Variants in MACROD2 observed in about 807,000 individuals in gnomAD.
MACROD2 encodes the protein ADP-ribose glycohydrolase MACROD2.
In MACROD2, 36 loss-of-function variants were observed where a neutral mutation model predicts 70.4. The ratio of observed to expected loss-of-function variants is 0.51; its 90% CI spans 0.39 to 0.68. The LOEUF (loss-of-function observed/expected upper bound fraction) is 0.68. Among genes scored for constraint, MACROD2 ranks in the 30% least tolerant of loss-of-function variants. The pLI is 0.00. For missense variants in MACROD2, 496 were observed against 538.4 expected (o/e 0.92, Z 0.78); for synonymous variants, 172 against 178.8 (o/e 0.96, Z 0.30).
chr20:14,933,960 T>A (rs972303566), intron 5 of MACROD2: 2 of 152,198 alleles, frequency 1.3e-5, no homozygotes, highest in Admixed American at 6.5e-5. Context: ...AAAGGTATTA[T>A]TATTATTTTT....
intron 5 of MACROD2, among the ~76,000 whole-genome samples, chr20:15,171,088 C>T (rs1366862380): frequency 6.6e-6 from 1 of 152,124 alleles, no homozygotes; most frequent in Non-Finnish European, 1.5e-5. Flanking sequence ...AAGCAAAATC[C>T]CCCTGGGGGA....
intron 8 of MACROD2, among the ~76,000 whole-genome samples, chr20:15,825,749 T>G (rs2063990770): frequency 6.6e-6 from 1 of 152,206 alleles, no homozygotes; most frequent in Non-Finnish European, 1.5e-5. Flanking sequence ...TTTCTGAGGA[T>G]TAGCTATTCA....
At chr20:15,196,220 T>C (rs2076605522) in intron 5 of MACROD2, among the ~76,000 whole-genome samples, 1 of 151,538 alleles carries the variant, frequency 6.6e-6, no homozygotes, top group Admixed American at 6.6e-5. Flanking sequence ...CTGCATATCC[T>C]GCATGTGTAC....
chr20:15,814,238 T>C (rs2063849915), intron 8 of MACROD2, among the ~76,000 whole-genome samples: 1 of 152,228 alleles, frequency 6.6e-6, no homozygotes, highest in Admixed American at 6.5e-5. Flanking sequence ...TCTGCAACTC[T>C]GTTGCAGGGG....
rs11468344 is a variant in MACROD2 at position 15,659,304 on chromosome 20, CTTTTTTTTTTTTT to C, written c.645+159474_645+159486del. Among the ~76,000 whole-genome samples the C allele has an allele frequency of 3.7e-3, 246 of 67,296 alleles. 1 individual carries two copies. In the Middle Eastern group the frequency reaches 0.1, roughly 28 times the overall value. The allele number at this position is 67,296 out of a possible 152,430, so 44.1% of individuals were successfully genotyped here. On this transcript the variant is annotated intron_variant, in intron 8 of 17. Transcript: ENST00000684519. Reference sequence around the variant, plus strand: ...ATCAAAAGCTTGCAAGATAGCACAGCTTTTTTTTTTTTTTTTTTTTTTTTTTTTTGTCTCTTGA... The same window carrying C: ...ATCAAAAGCTTGCAAGATAGCACAGCTTTTTTTTTTTTTTTTGTCTCTTGA...
intron 5 of MACROD2, among the ~76,000 whole-genome samples, chr20:15,088,420 T>TA (rs2075766680): frequency 6.4e-5 from 2 of 31,390 alleles, no homozygotes; most frequent in African/African-American, 1.8e-4. Flanking sequence ...TATATATATA[T>TA]ATATATATAT....
At chr20:15,031,301 C>G (rs1395665478) in intron 5 of MACROD2, among the ~76,000 whole-genome samples, 1 of 152,194 alleles carries the variant, frequency 6.6e-6, no homozygotes, top group African/African-American at 2.4e-5. Flanking sequence ...AGGGCTGCAG[C>G]TCTTCTCTCC....
intron 2 of MACROD2, among the ~76,000 whole-genome samples, chr20:14,062,011 A>G (rs932882944): frequency 6.6e-6 from 1 of 152,156 alleles, no homozygotes; most frequent in Non-Finnish European, 1.5e-5. Context: ...ACTTGAAACT[A>G]TTTTAGAGAT....
At chr20:14,053,348 T>C (rs1268676434) in intron 2 of MACROD2, 4 of 152,138 alleles carry the variant, frequency 2.6e-5, no homozygotes, top group Non-Finnish European at 5.9e-5. Context: ...TAAGGAATGA[T>C]TGAATTTTGT....
chr20:14,463,306 G>A (rs1159365525), intron 3 of MACROD2, among the ~76,000 whole-genome samples: 1 of 152,064 alleles, frequency 6.6e-6, no homozygotes, highest in Non-Finnish European at 1.5e-5. Flanking sequence ...AATTGTGAAT[G>A]GGAGTTCACT....
At chr20:15,413,235 G>T (rs2046102350) in intron 6 of MACROD2, among the ~76,000 whole-genome samples, 1 of 151,698 alleles carries the variant, frequency 6.6e-6, no homozygotes, top group South Asian at 2.1e-4. Context: ...TTTTTTGACG[G>T]GGCAAGTTTC....
At chr20:15,495,524 C>T (rs531494697) in intron 7 of MACROD2, among the ~76,000 whole-genome samples, 2 of 152,282 alleles carry the variant, frequency 1.3e-5, no homozygotes, top group East Asian at 3.9e-4. Context: ...ATCCCTTCCT[C>T]CTCCCCATAC....
intron 3 of MACROD2, among the ~76,000 whole-genome samples, chr20:14,192,035 A>C (rs955806536): frequency 6.6e-6 from 1 of 152,078 alleles, no homozygotes; most frequent in African/African-American, 2.4e-5. Context: ...ATTGGTTGTA[A>C]TATACCAGGT....
intron 6 of MACROD2, among the ~76,000 whole-genome samples, chr20:15,380,679 C>A (rs1460243011): frequency 6.6e-6 from 1 of 151,992 alleles, no homozygotes; most frequent in Non-Finnish European, 1.5e-5. Flanking sequence ...TTATATTGTG[C>A]ACGAAATTAG....
rs545642889 is a variant in MACROD2, at chr20:14,665,328, A to G, written c.302-19515A>G. Among the ~76,000 whole-genome samples, 3 of 151,982 alleles carry G rather than the reference A, an allele frequency of 2.0e-5. No individual in the cohort carries two copies. The South Asian group carries it at 6.3e-4, about 32-fold the overall frequency. ...GGGTATTGCCAGTTAAGATTTCAAGAACAGTTTTTTTTTTTTAACTGCAGT... is the reference window on the plus strand; with the variant it reads ...GGGTATTGCCAGTTAAGATTTCAAGGACAGTTTTTTTTTTTTAACTGCAGT... On this transcript the variant is annotated intron_variant, in intron 4 of 17. Coordinates refer to ENST00000684519, the MANE Select transcript of MACROD2 (RefSeq NM_001351661.2).
At chr20:14,458,697 C>A (rs983368570) in intron 3 of MACROD2, among the ~76,000 whole-genome samples, 2 of 151,532 alleles carry the variant, frequency 1.3e-5, no homozygotes, top group Non-Finnish European at 2.9e-5. Flanking sequence ...GTATCCTTTA[C>A]AACATACTAC....
At chr20:15,524,199 G>A (rs1004172752) in intron 8 of MACROD2, among the ~76,000 whole-genome samples, 1 of 151,992 alleles carries the variant, frequency 6.6e-6, no homozygotes, top group Admixed American at 6.6e-5. Context: ...AAGGCAAAGT[G>A]ACAAGTGGTG....
chr20:14,020,778 G>A (rs6135040), intron 2 of MACROD2, among the ~76,000 whole-genome samples: 2 of 152,096 alleles, frequency 1.3e-5, no homozygotes, highest in Non-Finnish European at 2.9e-5. Context: ...TGTTCCTTTA[G>A]TGTGTGTTCA....
intron 15 of MACROD2, among the ~76,000 whole-genome samples, chr20:16,008,990 AAAGAGACCTCATTG>A (rs2066826310): frequency 6.6e-6 from 1 of 152,186 alleles, no homozygotes; most frequent in Non-Finnish European, 1.5e-5. Flanking sequence ...TCTTTGATCA[AAAGAGACCTCATTG>A]AAGAGATGCA....
Sources: gnomAD v4.1 joint callset for allele counts (sites outside exome capture counted in the v4.1 genomes callset) on GRCh38, gnomAD v4.1.1 for gene constraint, MANE v1.5 for transcripts, NCBI Gene and HGNC (gene_info 2026-07-23, HGNC 2026-07-21) for gene names.